The following FBXO25 variants were observed in gnomAD, a reference collection of about 807,000 sequenced individuals.
FBXO25 encodes F-box only protein 25.
FBXO25 carries 45 observed loss-of-function variants against 51.9 expected under a neutral mutation model. That is an observed-to-expected ratio of 0.87 (90% confidence interval 0.68 to 1.11). FBXO25 has a LOEUF of 1.11. FBXO25 is among the 50% of genes most tolerant of loss of function. FBXO25 has a pLI of 0.00. For synonymous variants in FBXO25, 199 were observed against 151.0 expected (o/e 1.32, Z -2.33); for missense variants, 507 against 428.5 (o/e 1.18, Z -1.62).
At chr8:445,107 T>G (rs1010050005) in intron 5 of FBXO25, among the ~76,000 whole-genome samples, 3 of 152,236 alleles carry the variant, frequency 2.0e-5, no homozygotes, top group African/African-American at 7.2e-5. Context: ...AATTACCAGT[T>G]TAACCTGAAA....
At chr8:463,687 A>C (rs1222022371) in intron 9 of FBXO25, among the ~76,000 whole-genome samples, 1 of 152,276 alleles carries the variant, frequency 6.6e-6, no homozygotes, top group Non-Finnish European at 1.5e-5. Flanking sequence ...TCAGAACTTA[A>C]CAAGACTATC....
In FBXO25 at chr8:477,649, T is replaced by C. The variant is rs1421185795; in HGVS notation, c.*8845T>C. ...GGCTTGGAGCAGATGGTAAAGATTG[T>C]TGGCTTTTCCAGCCATGGGGCTCTC... On this transcript the variant is annotated 3_prime_UTR_variant, in exon 10 of 10. Coordinates refer to ENST00000350302, the MANE Select transcript of FBXO25 (RefSeq NM_183420.2). 6.6e-6 allele frequency: 1 copy of C among 152,262 alleles called. No individual in the cohort carries two copies. The highest frequency in any genetic ancestry group is 2.4e-5 in the African/African-American group (1 of 41,458). The allele number at this position is 152,262 out of a possible 1,614,324, so 9.4% of individuals were successfully genotyped here. A position where few individuals can be genotyped will look rare whatever the true frequency, so the allele number is the denominator to read the frequency against.
intron 8 of FBXO25, among the ~76,000 whole-genome samples, chr8:460,840 AGTC>A (rs1799762906): frequency 6.6e-6 from 1 of 152,230 alleles, no homozygotes; most frequent in African/African-American, 2.4e-5. Flanking sequence ...TTTTGCAAGT[AGTC>A]TTCTTTTCAA....
Position 431,393 on chromosome 8 carries a change from G to A in FBXO25, c.187G>A (p.Ala63Thr). ...ATTCAATAATGAAGAGCATGAATAT[G>A]CATCGAAAAAAAGGAAAAAGGACCA... ...EIFNNEEHEYASKKRKKDHFR... is the reference protein window; with the variant it reads ...EIFNNEEHEYTSKKRKKDHFR... The change falls in exon 3 of 10, where the codon GCA (alanine) becomes ACA (threonine). Residue 63 changes from alanine (A) to threonine (T), a missense_variant. By Grantham distance (58) the Ala-to-Thr change is moderately conservative. Coordinates refer to ENST00000350302, the MANE Select transcript of FBXO25 (RefSeq NM_183420.2). The A allele has an allele frequency of 6.4e-7, 1 of 1,554,312 alleles. No individual in the cohort carries two copies. Among genetic ancestry groups the A allele is most frequent in the South Asian group, 1.2e-5 (1 of 83,206 alleles).
Position 469,957 on chromosome 8 carries a change from A to C in FBXO25, c.*1153A>C, listed in dbSNP as rs146782463. The C allele has an allele frequency of 7.9e-5, 12 of 152,350 alleles. No homozygotes were observed. The highest frequency in any genetic ancestry group is 2.9e-4 in the African/African-American group (12 of 41,578). 9.4% of individuals were successfully genotyped at this position (152,350 alleles called of 1,614,324 possible). A position where few individuals can be genotyped will look rare whatever the true frequency, so the allele number is the denominator to read the frequency against. On this transcript the variant is annotated 3_prime_UTR_variant, in exon 10 of 10. Transcript: ENST00000350302. ...ATGGCCAAGAATGCATTTATTTGTC[A>C]AATTATAGTTTCTCCTGAGGCGATG...
In FBXO25 at chr8:426,786, G is replaced by T. The variant is rs1585027542; in HGVS notation, c.135-4555G>T. Reference sequence around the variant, plus strand: ...GTTGCTTCTCCCTGCGGAGTGAGATGGGCCCACATTGGCTGTGGCTCCACC... The same window carrying T: ...GTTGCTTCTCCCTGCGGAGTGAGATTGGCCCACATTGGCTGTGGCTCCACC... On this transcript the variant is annotated intron_variant, in intron 2 of 9. Transcript: ENST00000350302. 2.6e-5 allele frequency among the ~76,000 whole-genome samples: 4 copies of T among 152,174 alleles called. No individual in the cohort carries two copies. The South Asian group carries it at 8.3e-4, about 32-fold the overall frequency.
At chr8:410,471 T>C (rs73669371) in intron 1 of FBXO25, among the ~76,000 whole-genome samples, 2 of 152,030 alleles carry the variant, frequency 1.3e-5, no homozygotes, top group Non-Finnish European at 2.9e-5. Context: ...CAGTTTCAAG[T>C]TGATATTGAG....
At chr8:434,012 A>T (rs1193176571) in intron 4 of FBXO25, among the ~76,000 whole-genome samples, 1 of 152,242 alleles carries the variant, frequency 6.6e-6, no homozygotes, top group Non-Finnish European at 1.5e-5. Flanking sequence ...CATACTGATT[A>T]CAGAACAGAG....
intron 1 of FBXO25, among the ~76,000 whole-genome samples, chr8:412,589 ACTC>A (rs1298172596): frequency 6.6e-6 from 1 of 151,806 alleles, no homozygotes; most frequent in Non-Finnish European, 1.5e-5. Context: ...ATAGCATCCA[ACTC>A]CTCTAACTTG....
chr8:417,084 T>C (rs1425195941), intron 2 of FBXO25, among the ~76,000 whole-genome samples: 1 of 152,190 alleles, frequency 6.6e-6, no homozygotes, highest in African/African-American at 2.4e-5. Flanking sequence ...GTACATCATC[T>C]GGCATATTCA....
In FBXO25 at chr8:468,833, T is replaced by C. The variant is rs192410782; in HGVS notation, c.*29T>C. ...CTGCCCCTGCCATCCCTATTGGAGA[T>C]TGTGAATCCTGCTGTCTGTGCAGGG... On this transcript the variant is annotated 3_prime_UTR_variant, in exon 10 of 10. Transcript: ENST00000350302. 8.3e-5 allele frequency: 133 copies of C among 1,605,206 alleles called. No individual in the cohort carries two copies. The East Asian group carries it at 2.0e-3, about 25-fold the overall frequency.
chr8:462,530 T>C (rs938617037), intron 8 of FBXO25, among the ~76,000 whole-genome samples: 1 of 152,250 alleles, frequency 6.6e-6, no homozygotes, highest in African/African-American at 2.4e-5. Context: ...TTGTCACTTA[T>C]TGATTTAACC....
At position 470,830 on chromosome 8, in the gene FBXO25, ATATT is replaced by A. The variant is rs1343197526; in HGVS notation, c.*2031_*2034del. On this transcript the variant is annotated 3_prime_UTR_variant, in exon 10 of 10. Coordinates refer to ENST00000350302, the MANE Select transcript of FBXO25 (RefSeq NM_183420.2). ...AAATTGTGAGCTTGAATATTTCCAT[ATATT>A]TATTATCCATTTGCTTTTCTTGTTT... The A allele has an allele frequency of 2.0e-5, 3 of 152,108 alleles. No homozygotes were observed. Among genetic ancestry groups the A allele is most frequent in the Admixed American group, 2.0e-4 (3 of 15,278 alleles). 9.4% of individuals were successfully genotyped at this position (152,108 alleles called of 1,614,324 possible). A position where few individuals can be genotyped will look rare whatever the true frequency, so the allele number is the denominator to read the frequency against.
intron 4 of FBXO25, among the ~76,000 whole-genome samples, chr8:434,220 C>G (rs550533778): frequency 2.6e-5 from 4 of 152,280 alleles, no homozygotes; most frequent in Non-Finnish European, 5.9e-5. Flanking sequence ...CTTGTCCATG[C>G]TGGCTGGTGT....
chr8:422,195 A>C (rs1469484550), intron 2 of FBXO25, among the ~76,000 whole-genome samples: 1 of 152,242 alleles, frequency 6.6e-6, no homozygotes, highest in Non-Finnish European at 1.5e-5. Flanking sequence ...AGTACTTTAC[A>C]GTGGAGAAAC....
At chr8:431,545 T>C (rs986815829) in intron 3 of FBXO25, 101 bp downstream of exon 3, 6 of 619,278 alleles carry the variant, frequency 9.7e-6, no homozygotes, top group Non-Finnish European at 1.6e-5. Context: ...GATACAAATA[T>C]GTAAATAACA....
At chr8:422,768 G>C (rs1418454589) in intron 2 of FBXO25, among the ~76,000 whole-genome samples, 1 of 152,186 alleles carries the variant, frequency 6.6e-6, no homozygotes, top group Non-Finnish European at 1.5e-5. Flanking sequence ...CGTCAGCACA[G>C]GGCTCGCAAT....
At chr8:431,218 A>G (rs1014039794) in intron 2 of FBXO25, 123 bp from the exon 3 acceptor site, 41 of 567,030 alleles carry the variant, frequency 7.2e-5, no homozygotes, top group Non-Finnish European at 1.1e-4. Context: ...TGTATTAGAC[A>G]TTACCCTTGT....
At chr8:408,671 CA>C (rs1467194401) in intron 1 of FBXO25, among the ~76,000 whole-genome samples, 1 of 152,154 alleles carries the variant, frequency 6.6e-6, no homozygotes, top group Non-Finnish European at 1.5e-5. Flanking sequence ...GAAGGAAAGA[CA>C]TTTTTTTTTG....
Sources: allele counts gnomAD v4.1 joint callset (sites outside exome capture counted in the v4.1 genomes callset), GRCh38; gene constraint gnomAD v4.1.1; transcripts MANE v1.5; gene names NCBI Gene and HGNC (gene_info 2026-07-23, HGNC 2026-07-21).